SAMMSON: variants seen among roughly 807,000 people sequenced by gnomAD.
SAMMSON encodes the protein long intergenic non-protein coding RNA 1212.
chr3:70,228,183 A>T (rs1340706513), intron 4 of SAMMSON, among the ~76,000 whole-genome samples: 1 of 152,182 alleles, frequency 6.6e-6, no homozygotes, highest in East Asian at 1.9e-4. Context: ...AGGTTTTAGT[A>T]TCAAGAAAGG....
intron 4 of SAMMSON, among the ~76,000 whole-genome samples, chr3:70,202,465 A>G (rs933107147): frequency 6.6e-6 from 1 of 152,112 alleles, no homozygotes; most frequent in Non-Finnish European, 1.5e-5. Flanking sequence ...TGTTCACTGT[A>G]TTTGACTTTT....
At chr3:70,400,318 A>AT (rs1697855578) in intron 2 of SAMMSON, among the ~76,000 whole-genome samples, 1 of 152,152 alleles carries the variant, frequency 6.6e-6, no homozygotes, top group Non-Finnish European at 1.5e-5. Context: ...ATGCAGGTGG[A>AT]TCCCTCATGA....
chr3:70,073,385 C>T (rs1369052266), intron 4 of SAMMSON, among the ~76,000 whole-genome samples: 2 of 151,978 alleles, frequency 1.3e-5, no homozygotes, highest in Non-Finnish European at 2.9e-5. Context: ...ATGGAATGCC[C>T]ACTATGTGCT....
intron 7 of SAMMSON, among the ~76,000 whole-genome samples, chr3:70,348,899 A>T (rs1702771869): frequency 1.3e-5 from 2 of 152,148 alleles, no homozygotes; most frequent in Admixed American, 1.3e-4. Flanking sequence ...TCTGAGCTAT[A>T]TGAAGAGAGA....
At chr3:70,010,329 TG>T (rs1481103187) in intron 1 of SAMMSON, among the ~76,000 whole-genome samples, 4 of 152,138 alleles carry the variant, frequency 2.6e-5, no homozygotes, top group African/African-American at 9.7e-5. Flanking sequence ...GCTCCTGTAT[TG>T]GGTGCATATA....
chr3:70,089,661 CT>C (rs1213105886), intron 4 of SAMMSON, among the ~76,000 whole-genome samples: 1 of 152,002 alleles, frequency 6.6e-6, no homozygotes, highest in Non-Finnish European at 1.5e-5. Flanking sequence ...GCACCTACCT[CT>C]TTGGGTTATT....
chr3:70,285,329 T>C (rs562812159), intron 6 of SAMMSON, among the ~76,000 whole-genome samples: 19 of 151,708 alleles, frequency 1.3e-4, no homozygotes, highest in Admixed American at 5.2e-4. Context: ...GTTCTTGCGA[T>C]AGTTTACTGA....
At chr3:70,331,830 CAATTCAG>C (rs1465314949) in intron 7 of SAMMSON, among the ~76,000 whole-genome samples, 1 of 152,168 alleles carries the variant, frequency 6.6e-6, no homozygotes, top group East Asian at 1.9e-4. Context: ...GATAATGGCA[CAATTCAG>C]AATTTATCAA....
chr3:70,254,455 C>G (rs764792413), intron 6 of SAMMSON, among the ~76,000 whole-genome samples: 12 of 152,048 alleles, frequency 7.9e-5, no homozygotes, highest in Non-Finnish European at 1.8e-4. Context: ...ACACAAAGGG[C>G]GTAAAAGAAA....
At chr3:70,298,738 T>C (rs937350336) in intron 7 of SAMMSON, among the ~76,000 whole-genome samples, 22 of 152,194 alleles carry the variant, frequency 1.4e-4, no homozygotes, top group African/African-American at 5.3e-4. Context: ...TTGTAATGAG[T>C]GCAGATGAGG....
intron 4 of SAMMSON, among the ~76,000 whole-genome samples, chr3:70,108,405 T>C (rs1308899523): frequency 6.9e-6 from 1 of 144,044 alleles, no homozygotes; most frequent in African/African-American, 2.5e-5. Flanking sequence ...TGTTAGTGTT[T>C]CTCAACTCTT....
intron 6 of SAMMSON, among the ~76,000 whole-genome samples, chr3:70,280,641 C>T (rs781105779): frequency 7.2e-5 from 11 of 152,156 alleles, no homozygotes; most frequent in Admixed American, 3.3e-4. Flanking sequence ...TTCTCTCAGT[C>T]TCATTCTCCT....
chr3:70,283,900 A>T (rs572949915), intron 6 of SAMMSON: 1 of 152,142 alleles, frequency 6.6e-6, no homozygotes, highest in South Asian at 2.1e-4. Flanking sequence ...ATAATCAAGT[A>T]TTTAATACAT....
chr3:70,331,478 A>G lies in SAMMSON; in HGVS notation n.740-22697A>G, dbSNP rs188620209. Among the ~76,000 whole-genome samples, 6 of 152,294 alleles carry G rather than the reference A, an allele frequency of 3.9e-5. 1 individual carries two copies. In the East Asian group the frequency reaches 9.7e-4, roughly 25 times the overall value. On this transcript the variant is annotated intron_variant and non_coding_transcript_variant, in intron 7 of 9. Transcript: ENST00000642114. Reference sequence around the variant, plus strand: ...CACCCCCACAAATCCAATTTATTCAATCTATTCTAGGCTTAAGCATTCCAC... The same window carrying G: ...CACCCCCACAAATCCAATTTATTCAGTCTATTCTAGGCTTAAGCATTCCAC...
intron 4 of SAMMSON, among the ~76,000 whole-genome samples, chr3:70,239,546 G>T: frequency 6.6e-6 from 1 of 152,142 alleles, no homozygotes; most frequent in East Asian, 1.9e-4. Flanking sequence ...TTACTATAAA[G>T]AGAGTATAAA....
chr3:70,263,576 C>A (rs1701887898), intron 6 of SAMMSON, among the ~76,000 whole-genome samples: 1 of 152,128 alleles, frequency 6.6e-6, no homozygotes, highest in African/African-American at 2.4e-5. Context: ...TGTTCTTTCC[C>A]AGAAAGTTTG....
rs528143317 is a variant in SAMMSON at position 70,017,979 on chromosome 3, G to A, written n.417+4307G>A. 6.4e-3 allele frequency among the ~76,000 whole-genome samples: 978 copies of A among 152,182 alleles called. 9 individuals are homozygous for A. The highest frequency in any genetic ancestry group is 0.022 in the African/African-American group (920 of 41,496). ...AGCTTTTTGATGTGTTGCTGGATTT[G>A]GTTTGCCAGTATTTTATTGAGGATT... On this transcript the variant is annotated intron_variant and non_coding_transcript_variant, in intron 3 of 9. Transcript: ENST00000642114.
At chr3:70,222,718 A>G (rs1701471874) in intron 4 of SAMMSON, among the ~76,000 whole-genome samples, 1 of 152,206 alleles carries the variant, frequency 6.6e-6, no homozygotes, top group Non-Finnish European at 1.5e-5. Context: ...TACTTTGTAC[A>G]AAGTTGTCTC....
At chr3:70,176,601 C>G (rs757721987) in intron 4 of SAMMSON, among the ~76,000 whole-genome samples, 14 of 152,170 alleles carry the variant, frequency 9.2e-5, no homozygotes, top group South Asian at 4.1e-4. Context: ...CTGACCCCTA[C>G]TTAAACGACT....
Sources: allele counts gnomAD v4.1 joint callset (sites outside exome capture counted in the v4.1 genomes callset), GRCh38; gene constraint gnomAD v4.1.1; transcripts MANE v1.5; gene names NCBI Gene and HGNC (gene_info 2026-07-23, HGNC 2026-07-21).